CNTNAP2: variants seen among roughly 807,000 people sequenced by gnomAD.
CNTNAP2 encodes the protein contactin associated protein 2.
CNTNAP2 carries 98 observed loss-of-function variants against 155.2 expected under a neutral mutation model. The ratio of observed to expected loss-of-function variants is 0.63; its 90% CI spans 0.54 to 0.75. CNTNAP2 has a LOEUF of 0.75. Ranked by LOEUF, CNTNAP2 falls within the 30% of genes least tolerant of loss-of-function variation. The pLI, the probability that CNTNAP2 is intolerant of heterozygous loss-of-function variation, is 0.00. For missense variants in CNTNAP2, 1,727 were observed against 1,688.1 expected (o/e 1.02, Z -0.40); for synonymous variants, 651 against 631.2 (o/e 1.03, Z -0.47).
At chr7:148,007,908 G>A (rs28662975) in intron 15 of CNTNAP2, among the ~76,000 whole-genome samples, 8 of 151,934 alleles carry the variant, frequency 5.3e-5, no homozygotes, top group East Asian at 1.9e-4. Flanking sequence ...AATAATGTCC[G>A]CCACCAAAGA....
At chr7:146,871,373 T>C (rs1795303401) in intron 3 of CNTNAP2, among the ~76,000 whole-genome samples, 1 of 151,610 alleles carries the variant, frequency 6.6e-6, no homozygotes, top group African/African-American at 2.4e-5. Context: ...TCTACTAAAA[T>C]ACAAAAATAA....
intron 21 of CNTNAP2, among the ~76,000 whole-genome samples, chr7:148,351,744 C>CACAAAAAA: frequency 1.2e-5 from 1 of 85,402 alleles, no homozygotes; most frequent in African/African-American, 5.1e-5. Context: ...CTCTGTCTCA[C>CACAAAAAA]AAAAAAAAAA....
At chr7:147,977,580 ACT>A (rs1371986299) in intron 14 of CNTNAP2, among the ~76,000 whole-genome samples, 1 of 152,114 alleles carries the variant, frequency 6.6e-6, no homozygotes, top group African/African-American at 2.4e-5. Context: ...GCTGTGGTGT[ACT>A]CTCTACCTAA....
At chr7:148,332,286 T>C (rs1445649725) in intron 21 of CNTNAP2, among the ~76,000 whole-genome samples, 1 of 152,190 alleles carries the variant, frequency 6.6e-6, no homozygotes, top group Non-Finnish European at 1.5e-5. Context: ...TAAAGCCATG[T>C]ATGCTTTATT....
At chr7:146,539,189 T>G (rs1298037109) in intron 1 of CNTNAP2, among the ~76,000 whole-genome samples, 1 of 152,088 alleles carries the variant, frequency 6.6e-6, no homozygotes, top group Non-Finnish European at 1.5e-5. Context: ...TATATATCCC[T>G]TGTGTAGATG....
At chr7:147,290,502 GA>G (rs1805279479) in intron 8 of CNTNAP2, among the ~76,000 whole-genome samples, 1 of 151,990 alleles carries the variant, frequency 6.6e-6, no homozygotes, top group South Asian at 2.1e-4. Context: ...GCAACCCGCT[GA>G]AACCCTGTCT....
At position 148,102,326 on chromosome 7, in the gene CNTNAP2, A is replaced by C. The variant is rs62471705; in HGVS notation, c.2384-15792A>C. Among the ~76,000 whole-genome samples the C allele has an allele frequency of 2.1e-3, 323 of 152,326 alleles. 1 individual carries two copies. Among genetic ancestry groups the C allele is most frequent in the African/African-American group, 7.3e-3 (303 of 41,576 alleles). ...ATCTCATTCTTTTTTATGGCTGCAT[A>C]GTATTCCATGGTGTATATGTACCAC... On this transcript the variant is annotated intron_variant, in intron 15 of 23. Coordinates refer to ENST00000361727, the MANE Select transcript of CNTNAP2 (RefSeq NM_014141.6).
rs57422437 is a variant in CNTNAP2, at chr7:147,949,440, G to GTATATATATATA, written c.2256-28414_2256-28403dup. On this transcript the variant is annotated intron_variant, in intron 14 of 23. Transcript: ENST00000361727. ...TGTGTTGTTCAAGGATCAACTGTGT[G>GTATATATATATA]TATATATATATATATATATTTTTTT... is the stretch of plus-strand genomic sequence containing the variant. 5.3e-4 allele frequency among the ~76,000 whole-genome samples: 67 copies of GTATATATATATA among 127,394 alleles called. 2 individuals carry two copies. In the South Asian group the frequency reaches 0.014, roughly 26 times the overall value. The allele number at this position is 127,394 out of a possible 152,430, so 83.6% of individuals were successfully genotyped here.
chr7:147,071,096 C>T (rs1799881697), intron 4 of CNTNAP2, among the ~76,000 whole-genome samples: 1 of 152,058 alleles, frequency 6.6e-6, no homozygotes, highest in African/African-American at 2.4e-5. Flanking sequence ...ACCATAGACA[C>T]ATTCCTTTTA....
chr7:147,334,388 G>T (rs559381588), intron 9 of CNTNAP2, among the ~76,000 whole-genome samples: 1 of 152,264 alleles, frequency 6.6e-6, no homozygotes, highest in Non-Finnish European at 1.5e-5. Flanking sequence ...AATAACTGTT[G>T]ACTGTAGTTC....
chr7:147,827,871 A>G (rs1798486051), intron 13 of CNTNAP2, among the ~76,000 whole-genome samples: 1 of 152,190 alleles, frequency 6.6e-6, no homozygotes, highest in Non-Finnish European at 1.5e-5. Context: ...AAGATAAAGC[A>G]TATTTCTATT....
rs192223362 is a variant in CNTNAP2 at position 146,612,672 on chromosome 7, C to T, written c.98-161599C>T. On this transcript the variant is annotated intron_variant, in intron 1 of 23. Transcript: ENST00000361727. ...AAGCATTTATTTTTAAAACTTGGCACGGATTATTAAGACGGGTACAGCTTA... is the reference window on the plus strand; with the variant it reads ...AAGCATTTATTTTTAAAACTTGGCATGGATTATTAAGACGGGTACAGCTTA... 3.1e-4 allele frequency among the ~76,000 whole-genome samples: 47 copies of T among 151,874 alleles called. 2 individuals are homozygous for T. The East Asian group carries it at 8.3e-3, about 27-fold the overall frequency.
chr7:147,754,554 C>G (rs888463557), intron 13 of CNTNAP2, among the ~76,000 whole-genome samples: 1 of 152,118 alleles, frequency 6.6e-6, no homozygotes, highest in Non-Finnish European at 1.5e-5. Context: ...ATGAGGGAAA[C>G]ATTTTTGGAT....
chr7:148,069,684 T>C (rs1368853954), intron 15 of CNTNAP2, among the ~76,000 whole-genome samples: 5 of 146,298 alleles, frequency 3.4e-5, no homozygotes, highest in South Asian at 2.2e-4. Context: ...GGCGTGAACC[T>C]GGGAGGCAGA....
In CNTNAP2 at chr7:147,153,209, A is replaced by G. The variant is rs182440615; in HGVS notation, c.1348+20700A>G. On this transcript the variant is annotated intron_variant, in intron 8 of 23. Transcript: ENST00000361727. ...ATTTACTAAACATTTTCTCTATAGTAAGCCTACTGTGTTCTGGGCATATAA... is the reference window on the plus strand; with the variant it reads ...ATTTACTAAACATTTTCTCTATAGTGAGCCTACTGTGTTCTGGGCATATAA... Among the ~76,000 whole-genome samples the G allele has an allele frequency of 3.3e-5, 5 of 152,280 alleles. No individual in the cohort carries two copies. In the East Asian group the frequency reaches 9.7e-4, roughly 29 times the overall value.
intron 18 of CNTNAP2, among the ~76,000 whole-genome samples, chr7:148,201,984 G>A (rs144009981): frequency 6.6e-6 from 1 of 152,014 alleles, no homozygotes; most frequent in African/African-American, 2.4e-5. Context: ...GAATGAGTTG[G>A]GAAGAGAGTC....
intron 8 of CNTNAP2, among the ~76,000 whole-genome samples, chr7:147,191,319 T>C (rs1751025418): frequency 6.6e-6 from 1 of 152,336 alleles, no homozygotes; most frequent in East Asian, 1.9e-4. Context: ...AAGACCAGTT[T>C]TCATTAACAT....
chr7:147,524,752 G>A (rs536950677), intron 11 of CNTNAP2, among the ~76,000 whole-genome samples: 193 of 152,276 alleles, frequency 1.3e-3, no homozygotes, highest in Non-Finnish European at 2.2e-3. Flanking sequence ...CCAATTCTGC[G>A]TTCATCCTCC....
chr7:147,771,828 G>T (rs1011404094), intron 13 of CNTNAP2, among the ~76,000 whole-genome samples: 7 of 151,638 alleles, frequency 4.6e-5, no homozygotes, highest in South Asian at 2.1e-4. Context: ...TTATGAATTT[G>T]ATATATTTTG....
Sources: allele counts gnomAD v4.1 joint callset (sites outside exome capture counted in the v4.1 genomes callset), GRCh38; gene constraint gnomAD v4.1.1; transcripts MANE v1.5; gene names NCBI Gene and HGNC (gene_info 2026-07-23, HGNC 2026-07-21).